The following STX6 variants were observed in gnomAD, a reference collection of about 807,000 sequenced individuals.
STX6 encodes syntaxin 6.
STX6 carries 23 observed loss-of-function variants against 38.0 expected under a neutral mutation model. The ratio of observed to expected loss-of-function variants is 0.60; its 90% confidence interval spans 0.43 to 0.86. The LOEUF (loss-of-function observed/expected upper bound fraction) is 0.86. STX6 is among the 40% of genes least tolerant of loss of function. The pLI, the probability that STX6 is intolerant of heterozygous loss-of-function variation, is 0.00. For synonymous variants in STX6, 123 were observed against 107.5 expected (o/e 1.14, Z -0.89); for missense variants, 274 against 312.9 (o/e 0.88, Z 0.94).
At position 180,993,423 on chromosome 1, in the gene STX6, G is replaced by T; in HGVS notation, c.303C>A (p.Asp101Glu). ...ATGAAGTTGACATCTGATCTTTCAT[G>T]TCCTAATGAGAAAGAAGATACGAAA... ...FITSTRQVVR[D>E]MKDQMSTSSV... The change falls in exon 4 of 8, where the codon GAC (aspartate) becomes GAA (glutamate). Residue 101 changes from aspartate (D) to glutamate (E), a missense_variant and splice_region_variant. Physicochemically the swap from Asp to Glu is conservative, Grantham distance 45 (BLOSUM62 2). Transcript: ENST00000258301. 6.3e-7 allele frequency: 1 copy of T among 1,579,368 alleles called. No homozygotes were observed. The highest frequency in any genetic ancestry group is 8.7e-7 in the Non-Finnish European group (1 of 1,152,444).
intron 6 of STX6, among the ~76,000 whole-genome samples, chr1:180,987,559 C>T (rs373734000): frequency 2.6e-5 from 4 of 152,160 alleles, no homozygotes; most frequent in South Asian, 2.1e-4. Flanking sequence ...TCATGATAAA[C>T]GTAATATCGA....
chr1:181,013,635 G>A (rs1399825886), intron 1 of STX6, among the ~76,000 whole-genome samples: 2 of 152,136 alleles, frequency 1.3e-5, no homozygotes, highest in Non-Finnish European at 2.9e-5. Flanking sequence ...CTCTGAATTG[G>A]CATGTTCTAG....
chr1:180,984,824 G>T, intron 6 of STX6, 53 bp from the exon 7 acceptor site: 1 of 783,564 alleles, frequency 1.3e-6, no homozygotes, highest in Non-Finnish European at 2.2e-6. Flanking sequence ...CCTTGGCAGT[G>T]CACTTGCACT....
intron 2 of STX6, among the ~76,000 whole-genome samples, chr1:181,003,306 G>A (rs779912633): frequency 2.0e-5 from 3 of 152,176 alleles, no homozygotes; most frequent in Non-Finnish European, 4.4e-5. Flanking sequence ...AAAGTTCTGT[G>A]AGGGCTGGTA....
At chr1:180,984,646 C>A (rs1021063052) in intron 7 of STX6, 31 bp downstream of exon 7, 8 of 1,010,102 alleles carry the variant, frequency 7.9e-6, no homozygotes, top group Admixed American at 3.7e-5. Context: ...GAATTAAGTA[C>A]AAATGCTTAA....
chr1:180,976,568 C>G lies in STX6; in HGVS notation c.*2G>C, dbSNP rs753729140. 3.1e-6 allele frequency: 5 copies of G among 1,613,550 alleles called. No homozygotes were observed. Among genetic ancestry groups the G allele is most frequent in the Non-Finnish European group, 4.2e-6 (5 of 1,179,928 alleles). On this transcript the variant is annotated 3_prime_UTR_variant, in exon 8 of 8. Coordinates refer to ENST00000258301, the MANE Select transcript of STX6 (RefSeq NM_005819.6). ...AGGAACTCGCACCCAGAGGCCCCGC[C>G]GTCACAGCACTAAGAAGAGGATGAG...
At chr1:180,980,206 C>CAAAAAAAAAA (rs56336455) in intron 7 of STX6, among the ~76,000 whole-genome samples, 2 of 88,246 alleles carry the variant, frequency 2.3e-5, no homozygotes, top group Non-Finnish European at 2.2e-5. Flanking sequence ...GACTCTGTCT[C>CAAAAAAAAAA]AAAAAAAAAA....
chr1:181,014,083 G>T (rs1383887615), intron 1 of STX6, among the ~76,000 whole-genome samples: 4 of 152,194 alleles, frequency 2.6e-5, no homozygotes, highest in African/African-American at 9.6e-5. Flanking sequence ...TTTGATAAAA[G>T]AATGCCAGCT....
At chr1:181,020,792 T>C (rs1656703233) in intron 1 of STX6, among the ~76,000 whole-genome samples, 1 of 152,228 alleles carries the variant, frequency 6.6e-6, no homozygotes. Flanking sequence ...TTTGGGGTAA[T>C]TTGTTTCTCA....
chr1:181,020,251 GATCA>G (rs372962907), intron 1 of STX6, among the ~76,000 whole-genome samples: 39 of 152,072 alleles, frequency 2.6e-4, no homozygotes, highest in African/African-American at 8.9e-4. Context: ...TTTAAATACA[GATCA>G]ATTATTTCTG....
chr1:180,972,872 A>C lies in STX6; in HGVS notation c.*3698T>G. The C allele has an allele frequency of 4.2e-6, 1 of 238,478 alleles. No homozygotes were observed. Among genetic ancestry groups the C allele is most frequent in the Non-Finnish European group, 8.5e-6 (1 of 118,216 alleles). 14.8% of individuals were successfully genotyped at this position (238,478 alleles called of 1,614,324 possible). On this transcript the variant is annotated 3_prime_UTR_variant, in exon 8 of 8. Transcript: ENST00000258301. ...AAATTCTGGTTTGGTTTTATTTTTTAATCAAAAAAAAAAAAAGGAGAGAAA... is the reference window on the plus strand; with the variant it reads ...AAATTCTGGTTTGGTTTTATTTTTTCATCAAAAAAAAAAAAAGGAGAGAAA...
At position 181,000,875 on chromosome 1, in the gene STX6, CAA is replaced by C. The variant is rs34045263; in HGVS notation, c.300+1729_300+1730del. Among the ~76,000 whole-genome samples the C allele has an allele frequency of 9.2e-3, 668 of 72,562 alleles. 3 individuals are homozygous for C. Among genetic ancestry groups the C allele is most frequent in the African/African-American group, 0.029 (588 of 20,042 alleles). The allele number at this position is 72,562 out of a possible 152,430, so 47.6% of individuals were successfully genotyped here. On this transcript the variant is annotated intron_variant, in intron 3 of 7. Coordinates refer to ENST00000258301, the MANE Select transcript of STX6 (RefSeq NM_005819.6). ...GTATCCTTCAAAAAACCTACTACTA[CAA>C]AAAAAAAAAAAAAAAAGCTTATACA...
chr1:181,009,875 C>T (rs1656343463), intron 1 of STX6, among the ~76,000 whole-genome samples: 1 of 152,170 alleles, frequency 6.6e-6, no homozygotes, highest in Admixed American at 6.5e-5. Context: ...ATATGTATAA[C>T]AGAATACTAT....
chr1:181,022,314 T>C (rs1427647456), intron 1 of STX6, among the ~76,000 whole-genome samples: 1 of 152,206 alleles, frequency 6.6e-6, no homozygotes, highest in Non-Finnish European at 1.5e-5. Flanking sequence ...ACGGCCAGTG[T>C]GCGCCAGGAC....
At chr1:181,018,460 T>C (rs1656630565) in intron 1 of STX6, among the ~76,000 whole-genome samples, 1 of 149,166 alleles carries the variant, frequency 6.7e-6, no homozygotes, top group Non-Finnish European at 1.5e-5. Flanking sequence ...AATCCCAATT[T>C]TTAAAATGAC....
rs201572667 is a variant in STX6 at position 180,988,325 on chromosome 1, A to G, written c.510T>C (p.Asp170=). 1 of 1,613,910 alleles carries G rather than the reference A, an allele frequency of 6.2e-7. No individual in the cohort carries two copies. The highest frequency in any genetic ancestry group is 1.7e-5 in the Admixed American group (1 of 60,020). Residue 170 remains aspartate (D), a synonymous_variant, in exon 6 of 8, where the codon GAT becomes GAC. Coordinates refer to ENST00000258301, the MANE Select transcript of STX6 (RefSeq NM_005819.6). ...TGCCAGAGACCAGCTCCAACTGCTC[A>G]TCCTGCTGTTCCACGATCAACTGGT... The part of the protein sequence containing the change: ...AQQQLIVEQQ[D]EQLELVSGSI...
intron 7 of STX6, among the ~76,000 whole-genome samples, chr1:180,981,422 T>C (rs1655412819): frequency 6.6e-6 from 1 of 152,196 alleles, no homozygotes; most frequent in South Asian, 2.1e-4. Context: ...TTGCGATTCT[T>C]TCAGGACAAA....
intron 3 of STX6, 142 bp from the exon 4 acceptor site, chr1:180,993,567 CAAAAATAAAGAAAA>C: frequency 1.9e-6 from 1 of 514,698 alleles, no homozygotes; most frequent in Non-Finnish European, 3.4e-6. Flanking sequence ...TTTTCAGTCT[CAAAAATAAAGAAAA>C]TAAAATAAAA....
chr1:181,002,119 C>T (rs1376867735), intron 3 of STX6, among the ~76,000 whole-genome samples: 2 of 152,110 alleles, frequency 1.3e-5, no homozygotes, highest in African/African-American at 4.8e-5. Flanking sequence ...GCCTGGTCAA[C>T]ACAGTGAGAC....
Sources: gnomAD v4.1 joint callset for allele counts (sites outside exome capture counted in the v4.1 genomes callset) on GRCh38, gnomAD v4.1.1 for gene constraint, MANE v1.5 for transcripts, NCBI Gene and HGNC (gene_info 2026-07-23, HGNC 2026-07-21) for gene names.